The following UBE2R2 variants were observed in gnomAD, a reference collection of about 807,000 sequenced individuals.
UBE2R2 encodes the protein ubiquitin-conjugating enzyme E2 R2.
A neutral mutation model predicts 27.8 loss-of-function variants in UBE2R2; 1 was observed. The ratio of observed to expected loss-of-function variants is 0.04; its 90% confidence interval spans 0.01 to 0.17. UBE2R2 has a LOEUF of 0.17. UBE2R2 is among the 10% of genes least tolerant of loss of function. The probability of loss-of-function intolerance (pLI) is 1.00; values close to 1 mark genes in which losing one functional copy is unlikely to be tolerated. For missense variants in UBE2R2, 100 were observed against 291.0 expected (o/e 0.34, Z 4.78); for synonymous variants, 106 against 113.3 (o/e 0.94, Z 0.41).
intron 1 of UBE2R2, among the ~76,000 whole-genome samples, chr9:33,839,603 G>A (rs941759457): frequency 6.6e-6 from 1 of 152,166 alleles, no homozygotes; most frequent in African/African-American, 2.4e-5. Flanking sequence ...ACTTGAGAAT[G>A]CAGCAAGAAG....
At chr9:33,856,007 G>A (rs531031023) in intron 1 of UBE2R2, among the ~76,000 whole-genome samples, 4 of 152,250 alleles carry the variant, frequency 2.6e-5, no homozygotes, top group African/African-American at 9.6e-5. Flanking sequence ...GCTGTGAGCC[G>A]AGATTGTGCC....
At chr9:33,908,206 C>A (rs925771938) in intron 3 of UBE2R2, among the ~76,000 whole-genome samples, 4 of 152,324 alleles carry the variant, frequency 2.6e-5, no homozygotes, top group Non-Finnish European at 4.4e-5. Context: ...CAGTTCACAT[C>A]CATCCATCTG....
chr9:33,861,062 C>G (rs1322976019), intron 1 of UBE2R2, among the ~76,000 whole-genome samples: 1 of 151,392 alleles, frequency 6.6e-6, no homozygotes, highest in Non-Finnish European at 1.5e-5. Context: ...GGGTTCACGC[C>G]ATTCTCCTGC....
Position 33,831,012 on chromosome 9 carries a change from T to C in UBE2R2, c.177+13078T>C, listed in dbSNP as rs187540959. 4.8e-3 allele frequency: 715 copies of C among 149,708 alleles called. 1 individual carries two copies. Among genetic ancestry groups the C allele is most frequent in the Non-Finnish European group, 8.4e-3 (566 of 67,752 alleles). 9.3% of individuals were successfully genotyped at this position (149,708 alleles called of 1,614,324 possible). ...GAGTGCAGTGGTATTTACAACCTAT[T>C]GATCACAACCAGTTACAGATTGCTT... On this transcript the variant is annotated intron_variant, in intron 1 of 4. Transcript: ENST00000263228.
At chr9:33,865,814 T>C (rs949215224) in intron 1 of UBE2R2, among the ~76,000 whole-genome samples, 5 of 151,804 alleles carry the variant, frequency 3.3e-5, no homozygotes, top group Non-Finnish European at 7.4e-5. Flanking sequence ...CCACATTTAG[T>C]TTTTTTGTGT....
intron 2 of UBE2R2, among the ~76,000 whole-genome samples, chr9:33,899,224 T>A (rs1488928211): frequency 2.6e-5 from 4 of 152,170 alleles, no homozygotes; most frequent in African/African-American, 9.7e-5. Flanking sequence ...CTTTTTTTTT[T>A]TAAGATGGAG....
chr9:33,909,293 C>G (rs1158714113), intron 3 of UBE2R2, among the ~76,000 whole-genome samples: 2 of 152,002 alleles, frequency 1.3e-5, no homozygotes, highest in African/African-American at 2.4e-5. Flanking sequence ...TGAGACCACC[C>G]TGGCCAACAT....
chr9:33,909,006 TTAAATAAA>T (rs138047093), intron 3 of UBE2R2, among the ~76,000 whole-genome samples: 6 of 150,158 alleles, frequency 4.0e-5, no homozygotes, highest in Admixed American at 1.3e-4. Context: ...GACCCTGTCT[TTAAATAAA>T]TAAATAAATA....
At chr9:33,845,618 C>G (rs1364778534) in intron 1 of UBE2R2, among the ~76,000 whole-genome samples, 1 of 152,124 alleles carries the variant, frequency 6.6e-6, no homozygotes, top group African/African-American at 2.4e-5. Flanking sequence ...GTAAGTGGTT[C>G]TTGATAGGCT....
At chr9:33,904,165 G>A (rs1822303499) in intron 3 of UBE2R2, among the ~76,000 whole-genome samples, 1 of 152,168 alleles carries the variant, frequency 6.6e-6, no homozygotes, top group Admixed American at 6.5e-5. Context: ...TCACTTGGTT[G>A]TGAGACAAGG....
In UBE2R2 at chr9:33,918,513, C is replaced by T. The variant is rs1210108524; in HGVS notation, c.*1276C>T. ...TTTAGGCCAGATAAGGCTAGATCTT[C>T]CTGCAATGCACTTGCTGCAGCTTTG... On this transcript the variant is annotated 3_prime_UTR_variant, in exon 5 of 5. Transcript: ENST00000263228. 1 of 151,960 alleles carries T rather than the reference C, an allele frequency of 6.6e-6. No individual in the cohort carries two copies. The highest frequency in any genetic ancestry group is 1.5e-5 in the Non-Finnish European group (1 of 68,006). 9.4% of individuals were successfully genotyped at this position (151,960 alleles called of 1,614,324 possible).
intron 1 of UBE2R2, among the ~76,000 whole-genome samples, chr9:33,849,100 T>C (rs976668039): frequency 2.6e-5 from 4 of 151,720 alleles, no homozygotes; most frequent in Admixed American, 1.3e-4. Context: ...CTACCAAAAA[T>C]ACAAAAATTA....
chr9:33,823,920 C>T (rs1380484226), intron 1 of UBE2R2, among the ~76,000 whole-genome samples: 2 of 152,186 alleles, frequency 1.3e-5, no homozygotes, highest in African/African-American at 2.4e-5. Flanking sequence ...CCATTTCTCT[C>T]AGTTAACTTT....
chr9:33,892,313 T>C (rs1182533505), intron 2 of UBE2R2, among the ~76,000 whole-genome samples: 1 of 152,230 alleles, frequency 6.6e-6, no homozygotes. Context: ...AGAGTTCATA[T>C]AACACTTTCT....
At chr9:33,885,305 A>G (rs1380420612) in intron 1 of UBE2R2, among the ~76,000 whole-genome samples, 1 of 152,186 alleles carries the variant, frequency 6.6e-6, no homozygotes, top group East Asian at 1.9e-4. Flanking sequence ...CAGAACCATA[A>G]TGGACAACTC....
chr9:33,871,910 C>T (rs1416011727), intron 1 of UBE2R2, among the ~76,000 whole-genome samples: 1 of 151,994 alleles, frequency 6.6e-6, no homozygotes, highest in Non-Finnish European at 1.5e-5. Context: ...GACGTGTTTT[C>T]ACCATGTTAG....
chr9:33,877,680 A>C (rs1032206579), intron 1 of UBE2R2, among the ~76,000 whole-genome samples: 3 of 152,276 alleles, frequency 2.0e-5, no homozygotes, highest in Non-Finnish European at 2.9e-5. Context: ...GGTTGGTATT[A>C]ATCTTTCCAG....
chr9:33,833,616 G>A (rs1377661273), intron 1 of UBE2R2, among the ~76,000 whole-genome samples: 2 of 152,162 alleles, frequency 1.3e-5, no homozygotes, highest in African/African-American at 2.4e-5. Flanking sequence ...TACATTTTAC[G>A]ACATAGCATT....
chr9:33,822,404 C>A (rs1340077200), intron 1 of UBE2R2, among the ~76,000 whole-genome samples: 1 of 146,248 alleles, frequency 6.8e-6, no homozygotes, highest in African/African-American at 2.5e-5. Context: ...CACTGACTTA[C>A]ATTAAAGAAA....
Sources: gnomAD v4.1 joint callset for allele counts (sites outside exome capture counted in the v4.1 genomes callset) on GRCh38, gnomAD v4.1.1 for gene constraint, MANE v1.5 for transcripts, NCBI Gene and HGNC (gene_info 2026-07-23, HGNC 2026-07-21) for gene names.